ARFGEF3: variants seen among roughly 807,000 people sequenced by gnomAD.
ARFGEF3 encodes the protein brefeldin A-inhibited guanine nucleotide-exchange protein 3.
A neutral mutation model predicts 221.7 loss-of-function variants in ARFGEF3; 96 were observed. That is an observed-to-expected ratio of 0.43 (90% CI 0.37 to 0.51). The LOEUF (loss-of-function observed/expected upper bound fraction) is 0.51, where lower values mean the gene tolerates loss of function less well. Ranked by LOEUF, ARFGEF3 falls within the 20% of genes least tolerant of loss-of-function variation. The pLI is 0.00. For missense variants in ARFGEF3, 2,410 were observed against 2,789.9 expected (o/e 0.86, Z 3.07); for synonymous variants, 1,145 against 1,126.8 (o/e 1.02, Z -0.32).
Position 138,294,097 on chromosome 6 carries a change from A to G in ARFGEF3, c.3473A>G (p.Asp1158Gly). 6.2e-7 allele frequency: 1 copy of G among 1,613,918 alleles called. No homozygotes were observed. The highest frequency in any genetic ancestry group is 8.5e-7 in the Non-Finnish European group (1 of 1,179,876). ...TCTCAGCTTTTCCATTCTGTTACAG[A>G]TACAGTTGATTACTCTCTGGCAATG... Reference protein sequence around the residue: ...SQSQLFHSVTDTVDYSLAMPG... With the variant: ...SQSQLFHSVTGTVDYSLAMPG... Residue 1158 changes from aspartate (D) to glycine (G), a missense_variant, in exon 20 of 34, where the codon GAT becomes GGT. Asp to Gly is a moderately conservative substitution (Grantham distance 94). This residue lies in a region of ARFGEF3 where 723 missense variants were observed against 991.9 expected (regional missense o/e 0.73). Coordinates refer to ENST00000251691, the MANE Select transcript of ARFGEF3 (RefSeq NM_020340.5).
At chr6:138,296,222 C>G (rs761476049) in intron 20 of ARFGEF3, among the ~76,000 whole-genome samples, 4 of 152,090 alleles carry the variant, frequency 2.6e-5, no homozygotes, top group Non-Finnish European at 5.9e-5. Context: ...GCAGGGGGAC[C>G]AGGCCTGCTT....
At position 138,319,849 on chromosome 6, in the gene ARFGEF3, G is replaced by A; in HGVS notation, c.4621G>A (p.Val1541Met). ...HAIGLSCELV[V>M]EHIQSFLHSD... ...TATTGGTCTGTCCTGTGAGCTGGTG[G>A]TGGAGCACATTCAAAGCTTTCTACA... The change falls in exon 28 of 34, where the codon GTG (valine) becomes ATG (methionine). Residue 1541 changes from valine to methionine, a missense_variant. By Grantham distance (21) the Val-to-Met change is conservative. Transcript: ENST00000251691. 2 of 1,613,914 alleles carry A rather than the reference G, an allele frequency of 1.2e-6. No individual in the cohort carries two copies. Among genetic ancestry groups the A allele is most frequent in the South Asian group, 1.1e-5 (1 of 91,064 alleles).
At position 138,298,710 on chromosome 6, in the gene ARFGEF3, C is replaced by T. The variant is rs200134339; in HGVS notation, c.3753C>T (p.His1251=). The T allele has an allele frequency of 3.5e-5, 56 of 1,613,704 alleles. No homozygotes were observed. The highest frequency in any genetic ancestry group is 1.4e-5 in the Non-Finnish European group (17 of 1,179,790). ...ACTGGAATGAGCCACCTCATTTTCA[C>T]TTCAATGAAGCACTCTTCCGACCTT... ...LTDWNEPPHF[H]FNEALFRPFE... The change falls in exon 22 of 34, where the codon CAC becomes CAT. Residue 1251 remains histidine (H), a synonymous_variant. Transcript: ENST00000251691.
rs201107700 is a variant in ARFGEF3, at chr6:138,307,334, G to A, written c.3910G>A (p.Glu1304Lys). The A allele has an allele frequency of 1.2e-6, 2 of 1,613,944 alleles. No individual in the cohort carries two copies. The highest frequency in any genetic ancestry group is 4.5e-5 in the East Asian group (2 of 44,886). ...ATGGAGACCCTTGTTCAGTGCCCTG[G>A]AAACAGTGCATGGCGGGAACAAGTC... ...SGWRPLFSAL[E>K]TVHGGNKSEM... Residue 1304 changes from glutamate (E) to lysine (K), a missense_variant, in exon 23 of 34, where the codon GAA becomes AAA. This residue lies in a region of ARFGEF3 where 723 missense variants were observed against 991.9 expected (regional missense o/e 0.73). Transcript: ENST00000251691.
At chr6:138,199,537 C>T (rs538083585) in intron 2 of ARFGEF3, among the ~76,000 whole-genome samples, 2 of 152,256 alleles carry the variant, frequency 1.3e-5, no homozygotes, top group South Asian at 2.1e-4. Context: ...TTGTTTGTGT[C>T]GTCTATGATT....
intron 4 of ARFGEF3, among the ~76,000 whole-genome samples, chr6:138,213,036 C>T (rs1777761007): frequency 6.6e-6 from 1 of 152,002 alleles, no homozygotes; most frequent in South Asian, 2.1e-4. Flanking sequence ...CGCCTGTAAT[C>T]CCAGCACTTT....
intron 5 of ARFGEF3, among the ~76,000 whole-genome samples, chr6:138,232,433 C>T (rs147243674): frequency 2.2e-3 from 340 of 152,194 alleles, no homozygotes; most frequent in African/African-American, 7.9e-3. Flanking sequence ...ACCTGGGAGG[C>T]GGAGGCTGCA....
intron 8 of ARFGEF3, among the ~76,000 whole-genome samples, chr6:138,252,478 C>A (rs757974212): frequency 6.6e-6 from 1 of 152,172 alleles, no homozygotes; most frequent in East Asian, 1.9e-4. Context: ...CTCTGTCTTA[C>A]AATTGTGTGG....
chr6:138,331,782 T>C (rs891107353), intron 32 of ARFGEF3, among the ~76,000 whole-genome samples: 1 of 152,192 alleles, frequency 6.6e-6, no homozygotes, highest in Non-Finnish European at 1.5e-5. Context: ...TATTTGTTGA[T>C]TTTGTTTGAG....
chr6:138,314,600 G>A (rs1269974476), intron 26 of ARFGEF3, among the ~76,000 whole-genome samples: 1 of 152,108 alleles, frequency 6.6e-6, no homozygotes, highest in Non-Finnish European at 1.5e-5. Flanking sequence ...TCCAGCTGTG[G>A]GCCTGTGAAA....
At chr6:138,319,932 C>A in intron 28 of ARFGEF3, 53 bp downstream of exon 28, 1 of 1,504,662 alleles carries the variant, frequency 6.6e-7, no homozygotes, top group Non-Finnish European at 9.2e-7. Context: ...GTAGACAGCA[C>A]CGTCAGCTAA....
At chr6:138,247,965 G>C (rs1276260504) in intron 8 of ARFGEF3, among the ~76,000 whole-genome samples, 1 of 152,148 alleles carries the variant, frequency 6.6e-6, no homozygotes, top group Non-Finnish European at 1.5e-5. Context: ...TGTTAGGAAG[G>C]GTTGTTATAG....
chr6:138,329,496 T>C (rs753272173), intron 32 of ARFGEF3, among the ~76,000 whole-genome samples: 15 of 152,034 alleles, frequency 9.9e-5, no homozygotes, highest in Non-Finnish European at 1.2e-4. Context: ...AAACCCCGTC[T>C]CTGCTAAAAA....
chr6:138,311,330 T>G (rs1213692193), intron 24 of ARFGEF3, 77 bp from the exon 25 acceptor site: 1 of 824,212 alleles, frequency 1.2e-6, no homozygotes, highest in Non-Finnish European at 2.0e-6. Context: ...TAGTGCTATG[T>G]GAGTAAACAG....
At chr6:138,297,876 G>T (rs2114645952) in intron 21 of ARFGEF3, among the ~76,000 whole-genome samples, 1 of 152,294 alleles carries the variant, frequency 6.6e-6, no homozygotes, top group South Asian at 2.1e-4. Flanking sequence ...CTGGTGCAAA[G>T]TCTGGGGCCA....
chr6:138,199,954 A>G (rs768367338), intron 2 of ARFGEF3, among the ~76,000 whole-genome samples: 15 of 152,226 alleles, frequency 9.9e-5, no homozygotes, highest in Non-Finnish European at 2.2e-4. Context: ...ATCTTGTTCC[A>G]GCTCTCAGAG....
At chr6:138,323,642 A>C (rs767192546) in intron 29 of ARFGEF3, 29 bp from the exon 30 acceptor site, 2 of 1,597,580 alleles carry the variant, frequency 1.3e-6, no homozygotes, top group Admixed American at 1.7e-5. Flanking sequence ...CAACAAAAAA[A>C]AAACTCCTTT....
At chr6:138,277,888 G>A (rs1248124098) in intron 12 of ARFGEF3, among the ~76,000 whole-genome samples, 2 of 152,200 alleles carry the variant, frequency 1.3e-5, no homozygotes, top group Non-Finnish European at 2.9e-5. Context: ...GGAATTAAAA[G>A]GGAAGGTCTC....
chr6:138,315,534 G>T (rs185391301), intron 26 of ARFGEF3, among the ~76,000 whole-genome samples: 2 of 152,144 alleles, frequency 1.3e-5, no homozygotes, highest in East Asian at 3.9e-4. Context: ...TAAAATTTTC[G>T]ATGGAGATGA....
Sources: allele counts gnomAD v4.1 joint callset (sites outside exome capture counted in the v4.1 genomes callset), GRCh38; gene constraint gnomAD v4.1.1; regional missense constraint gnomAD v4.1.1; transcripts MANE v1.5; gene names NCBI Gene and HGNC (gene_info 2026-07-23, HGNC 2026-07-21).